Variants in GAREM1 observed in about 807,000 individuals in gnomAD.
GAREM1 encodes the protein GRB2-associated and regulator of MAPK protein 1.
A neutral mutation model predicts 71.3 loss-of-function variants in GAREM1; 26 were observed. The ratio of observed to expected loss-of-function variants is 0.36; its 90% CI spans 0.27 to 0.51. The LOEUF (loss-of-function observed/expected upper bound fraction) is 0.51. Ranked by LOEUF, GAREM1 falls within the 20% of genes least tolerant of loss-of-function variation. The pLI is 0.95. For missense variants in GAREM1, 1,026 were observed against 1,103.1 expected (o/e 0.93, Z 0.99); for synonymous variants, 440 against 433.2 (o/e 1.02, Z -0.20).
At position 32,412,573 on chromosome 18, in the gene GAREM1, A is replaced by C. The variant is rs1161979410; in HGVS notation, c.122-19538T>G. ...AAACCACCTCCACGACCACCACCAA[A>C]GTTTCCAGAACCACTTCGACCTCTT... On this transcript the variant is annotated intron_variant, in intron 1 of 5. Transcript: ENST00000269209. 3.1e-6 allele frequency: 5 copies of C among 1,591,868 alleles called. No homozygotes were observed. The East Asian group carries it at 1.1e-4, about 36-fold the overall frequency.
intron 2 of GAREM1, among the ~76,000 whole-genome samples, chr18:32,328,829 C>T (rs76285887): frequency 0.024 from 3,624 of 152,196 alleles, 75 homozygotes; most frequent in South Asian, 0.09. Flanking sequence ...TAAGGATTTT[C>T]TGTTCAATTA....
chr18:32,321,428 C>T (rs1167286965), intron 2 of GAREM1, among the ~76,000 whole-genome samples: 1 of 152,162 alleles, frequency 6.6e-6, no homozygotes, highest in Non-Finnish European at 1.5e-5. Context: ...TTTCCTCACT[C>T]TCTTAGCCCT....
Position 32,268,613 on chromosome 18 carries a change from T to A in GAREM1, c.1889A>T (p.Tyr630Phe), listed in dbSNP as rs747230409. 4.2e-5 allele frequency: 67 copies of A among 1,614,010 alleles called. No homozygotes were observed. The highest frequency in any genetic ancestry group is 5.5e-5 in the Non-Finnish European group (65 of 1,180,026). The change falls in exon 6 of 6, where the codon TAT becomes TTT. Residue 630 changes from tyrosine to phenylalanine, a missense_variant. Physicochemically the swap from Tyr to Phe is conservative, Grantham distance 22. Transcript: ENST00000269209. Reference sequence around the variant, plus strand: ...GGTCTGGCTTTCTGATGCTCCTGAATAATGGTTAGGCCATGAGAGCCGAGA... The same window carrying A: ...GGTCTGGCTTTCTGATGCTCCTGAAAAATGGTTAGGCCATGAGAGCCGAGA... ...VSSRLSWPNH[Y>F]SGASESQTRS...
intron 1 of GAREM1, among the ~76,000 whole-genome samples, chr18:32,436,794 G>T (rs1290278953): frequency 3.3e-5 from 5 of 152,198 alleles, no homozygotes; most frequent in African/African-American, 1.2e-4. Context: ...TTCTGAGTAT[G>T]TAACTGGGAG....
At chr18:32,352,783 G>C (rs1339426805) in intron 2 of GAREM1, among the ~76,000 whole-genome samples, 1 of 152,122 alleles carries the variant, frequency 6.6e-6, no homozygotes, top group Admixed American at 6.5e-5. Context: ...ATGGAAGAAG[G>C]GTTTAAGGAG....
intron 4 of GAREM1, among the ~76,000 whole-genome samples, chr18:32,271,182 A>AT: frequency 6.6e-6 from 1 of 151,402 alleles, no homozygotes; most frequent in East Asian, 1.9e-4. Context: ...CTACTTTTTA[A>AT]TTTTTTTAAT....
chr18:32,469,492 A>G (rs571907487), intron 1 of GAREM1, among the ~76,000 whole-genome samples: 5 of 152,320 alleles, frequency 3.3e-5, no homozygotes, highest in African/African-American at 9.6e-5. Context: ...CTTACGTGTC[A>G]TCACTCTCCA....
chr18:32,371,095 C>G (rs1012922908), intron 2 of GAREM1, among the ~76,000 whole-genome samples: 1 of 151,926 alleles, frequency 6.6e-6, no homozygotes, highest in Non-Finnish European at 1.5e-5. Context: ...TCCTAGATGA[C>G]GGGTGATGAA....
intron 1 of GAREM1, among the ~76,000 whole-genome samples, chr18:32,455,551 T>G (rs1379124664): frequency 6.6e-6 from 1 of 152,130 alleles, no homozygotes; most frequent in Non-Finnish European, 1.5e-5. Flanking sequence ...AAGTATCATT[T>G]TAAAAGCAAA....
intron 2 of GAREM1, among the ~76,000 whole-genome samples, chr18:32,317,321 C>G (rs1320885657): frequency 1.4e-5 from 2 of 148,022 alleles, no homozygotes; most frequent in East Asian, 4.0e-4. Context: ...AGAAGAATTG[C>G]TTGAACCCAG....
intron 2 of GAREM1, among the ~76,000 whole-genome samples, chr18:32,353,863 G>A (rs2047777940): frequency 6.6e-6 from 1 of 152,126 alleles, no homozygotes; most frequent in South Asian, 2.1e-4. Context: ...AGAAGGAAGG[G>A]AAAGGAAGAG....
intron 1 of GAREM1, among the ~76,000 whole-genome samples, chr18:32,415,463 GA>G (rs2048457966): frequency 6.6e-6 from 1 of 151,972 alleles, no homozygotes; most frequent in South Asian, 2.1e-4. Context: ...TATTGATGCA[GA>G]AAATCTTCAA....
chr18:32,282,811 C>T (rs1345448349), intron 4 of GAREM1, among the ~76,000 whole-genome samples: 1 of 152,152 alleles, frequency 6.6e-6, no homozygotes, highest in Admixed American at 6.5e-5. Flanking sequence ...ATAAAGTCTT[C>T]CCAGCATTGC....
chr18:32,436,373 G>C lies in GAREM1; in HGVS notation c.121+33935C>G, dbSNP rs538554113. Among the ~76,000 whole-genome samples, 4 of 152,302 alleles carry C rather than the reference G, an allele frequency of 2.6e-5. No individual in the cohort carries two copies. In the South Asian group the frequency reaches 8.3e-4, roughly 32 times the overall value. On this transcript the variant is annotated intron_variant, in intron 1 of 5. Coordinates refer to ENST00000269209, the MANE Select transcript of GAREM1 (RefSeq NM_001242409.2). ...TAGCTCTAGTTTACCAGTTGTGTGT[G>C]TGTGTATGACTTGCAATGTCTTATC...
At chr18:32,417,342 A>G (rs984160494) in intron 1 of GAREM1, among the ~76,000 whole-genome samples, 2 of 152,208 alleles carry the variant, frequency 1.3e-5, no homozygotes, top group African/African-American at 4.8e-5. Context: ...TAGAGCTAAC[A>G]TATGATCCAG....
At chr18:32,447,944 T>C (rs192535144) in intron 1 of GAREM1, among the ~76,000 whole-genome samples, 2 of 152,226 alleles carry the variant, frequency 1.3e-5, no homozygotes, top group African/African-American at 4.8e-5. Flanking sequence ...GTGTGTTATA[T>C]CCAATAATTC....
chr18:32,347,831 C>A (rs2144586287), intron 2 of GAREM1, among the ~76,000 whole-genome samples: 1 of 152,270 alleles, frequency 6.6e-6, no homozygotes, highest in East Asian at 1.9e-4. Context: ...AGTAGACCAT[C>A]TTGTATATCC....
At chr18:32,302,828 T>C (rs2047213772) in intron 3 of GAREM1, among the ~76,000 whole-genome samples, 1 of 152,210 alleles carries the variant, frequency 6.6e-6, no homozygotes, top group Non-Finnish European at 1.5e-5. Context: ...ATACCTGTAC[T>C]ACAGCATCAC....
At chr18:32,377,046 A>C (rs1177027631) in intron 2 of GAREM1, among the ~76,000 whole-genome samples, 1 of 152,206 alleles carries the variant, frequency 6.6e-6, no homozygotes, top group Non-Finnish European at 1.5e-5. Context: ...CTAATTTTAG[A>C]AATAATGAAA....
Sources: gnomAD v4.1 joint callset for allele counts (sites outside exome capture counted in the v4.1 genomes callset) on GRCh38, gnomAD v4.1.1 for gene constraint, MANE v1.5 for transcripts, NCBI Gene and HGNC (gene_info 2026-07-23, HGNC 2026-07-21) for gene names.